Variants in COL16A1 observed in about 807,000 individuals in gnomAD.
COL16A1 encodes collagen alpha-1(XVI) chain.
A neutral mutation model predicts 266.3 loss-of-function variants in COL16A1; 189 were observed. That is an observed-to-expected ratio of 0.71 (90% CI 0.63 to 0.80). The LOEUF (loss-of-function observed/expected upper bound fraction) is 0.80. Among genes scored for constraint, COL16A1 ranks in the 30% least tolerant of loss-of-function variants. COL16A1 has a pLI of 0.00. For synonymous variants in COL16A1, 740 were observed against 782.3 expected (o/e 0.95, Z 0.90); for missense variants, 1,928 against 2,122.4 (o/e 0.91, Z 1.80).
rs929568842 is a variant in COL16A1 at position 31,698,822 on chromosome 1, G to A, written c.267-216C>T. On this transcript the variant is annotated intron_variant, in intron 4 of 70. Transcript: ENST00000373672. This position sits in a 1 kb window ranked among gnomAD's most constrained non-coding sequence, Gnocchi z 4.1. ...AATAACAGTGGTGAAGGCTGGGTGC[G>A]GTGGCTCATGCCTGTAATCCCAGCA... 3.3e-5 allele frequency among the ~76,000 whole-genome samples: 5 copies of A among 152,152 alleles called. No individual in the cohort carries two copies. The highest frequency in any genetic ancestry group is 2.1e-4 in the South Asian group (1 of 4,830).
At chr1:31,669,162 C>T (rs7512805) in intron 49 of COL16A1, among the ~76,000 whole-genome samples, 69,465 of 151,856 alleles carry the variant, frequency 0.46, 18,385 homozygotes, top group South Asian at 0.59. Context: ...CGCTGGTATG[C>T]CCTGCCATGG....
In COL16A1 at chr1:31,685,161, G is replaced by A. The variant is rs746509519; in HGVS notation, c.2017-305C>T. ...GTGAGGTTAGACAAGCTAATATGTCGTGTGCAGCAGTGCCTGGCACATAGT... is the reference window on the plus strand; with the variant it reads ...GTGAGGTTAGACAAGCTAATATGTCATGTGCAGCAGTGCCTGGCACATAGT... On this transcript the variant is annotated intron_variant, in intron 29 of 70. Transcript: ENST00000373672. The surrounding 1 kb of genome is among the most constrained non-coding windows in gnomAD (Gnocchi z 4.0). 1.4e-4 allele frequency among the ~76,000 whole-genome samples: 22 copies of A among 152,270 alleles called. No individual in the cohort carries two copies. Among genetic ancestry groups the A allele is most frequent in the Non-Finnish European group, 2.9e-4 (20 of 68,026 alleles).
intron 19 of COL16A1, 63 bp downstream of exon 19, chr1:31,691,354 C>G: frequency 6.3e-6 from 10 of 1,584,454 alleles, no homozygotes; most frequent in Non-Finnish European, 8.6e-6. Context: ...CGTTCATTCC[C>G]TGGCCAGGGT....
Position 31,656,071 on chromosome 1 carries a change from A to C in COL16A1, c.4101+329T>G. ...TAAGTGTGACTGGTCTATTGTGAGC[A>C]CCTATTGTTCAGGGACCTCTGTTTA... On this transcript the variant is annotated intron_variant, in intron 66 of 70. Coordinates refer to ENST00000373672, the MANE Select transcript of COL16A1 (RefSeq NM_001856.4). The surrounding 1 kb of genome is among the most constrained non-coding windows in gnomAD (Gnocchi z 4.2). The C allele has an allele frequency of 9.7e-6, 4 of 412,354 alleles. No homozygotes were observed. Among genetic ancestry groups the C allele is most frequent in the Non-Finnish European group, 1.8e-5 (4 of 226,458 alleles). The allele number at this position is 412,354 out of a possible 1,614,324, so 25.5% of individuals were successfully genotyped here.
At chr1:31,665,387 C>A in intron 55 of COL16A1, 153 bp from the exon 56 acceptor site, 1 of 1,414,644 alleles carries the variant, frequency 7.1e-7, no homozygotes. Context: ...GCCTGGCCTG[C>A]TGGGCTGGGG....
chr1:31,653,550 G>C (rs769793166), intron 70 of COL16A1, 49 bp downstream of exon 70: 1 of 1,564,940 alleles, frequency 6.4e-7, no homozygotes, highest in Non-Finnish European at 8.7e-7. Flanking sequence ...GAAAGAAAAG[G>C]GGTCTCTGCT....
At chr1:31,679,725 C>T in intron 41 of COL16A1, 40 bp from the exon 42 acceptor site, 1 of 1,612,618 alleles carries the variant, frequency 6.2e-7, no homozygotes, top group Non-Finnish European at 8.5e-7. Flanking sequence ...GCAGAGAGCT[C>T]TGCCCCATGG....
chr1:31,662,796 G>A (rs553196340), intron 56 of COL16A1, 138 bp from the exon 57 acceptor site: 10 of 835,492 alleles, frequency 1.2e-5, no homozygotes, highest in African/African-American at 1.0e-4. Context: ...GGCCCAATCT[G>A]TCCCTGTCTA....
intron 11 of COL16A1, 49 bp downstream of exon 11, chr1:31,695,135 TCC>T: frequency 6.2e-7 from 1 of 1,605,300 alleles, no homozygotes. Context: ...CTAGGCAACG[TCC>T]ACTCCCGGCT....
intron 43 of COL16A1, 76 bp downstream of exon 43, chr1:31,675,182 G>A (rs1643078458): frequency 2.5e-6 from 4 of 1,612,726 alleles, no homozygotes; most frequent in Non-Finnish European, 3.4e-6. Flanking sequence ...GCAGCTACCG[G>A]GCCAGCTTCA....
At chr1:31,687,381 CA>C (rs60096709) in intron 26 of COL16A1, among the ~76,000 whole-genome samples, 5,810 of 59,778 alleles carry the variant, frequency 0.097, 121 homozygotes, top group African/African-American at 0.17. Context: ...GACTCAGTCT[CA>C]AAAAAAAAAA....
chr1:31,652,905 G>T lies in COL16A1; in HGVS notation c.4613-52C>A. 1 of 1,408,774 alleles carries T rather than the reference G, an allele frequency of 7.1e-7. No homozygotes were observed. Among genetic ancestry groups the T allele is most frequent in the Non-Finnish European group, 9.3e-7 (1 of 1,075,470 alleles). The allele number at this position is 1,408,774 out of a possible 1,614,324, so 87.3% of individuals were successfully genotyped here. On this transcript the variant is annotated intron_variant, in intron 70 of 70. Coordinates refer to ENST00000373672, the MANE Select transcript of COL16A1 (RefSeq NM_001856.4). This position sits in a 1 kb window ranked among gnomAD's most constrained non-coding sequence, Gnocchi z 4.8. The stretch of plus-strand genomic sequence containing the variant: ...AAATCAGAAGACCCAGATCATAAGG[G>T]AAAAGAAGCCATAATGGCATCAAAT...
intron 1 of COL16A1, among the ~76,000 whole-genome samples, chr1:31,703,338 C>T (rs997529255): frequency 1.3e-5 from 2 of 152,152 alleles, no homozygotes; most frequent in Non-Finnish European, 2.9e-5. Context: ...GACCCCTTAC[C>T]CCAATATATT....
At chr1:31,695,602 G>A (rs552488088) in intron 10 of COL16A1, among the ~76,000 whole-genome samples, 159 bp downstream of exon 10, 177 of 152,166 alleles carry the variant, frequency 1.2e-3, no homozygotes, top group Non-Finnish European at 2.0e-3. Flanking sequence ...CCAACCCAAC[G>A]AGAGGCAGTG....
In COL16A1 at chr1:31,656,418, A is replaced by G. The variant is rs201477812; in HGVS notation, c.4083T>C (p.Tyr1361=). 42 of 1,613,462 alleles carry G rather than the reference A, an allele frequency of 2.6e-5. No homozygotes were observed. In the East Asian group the frequency reaches 6.7e-4, roughly 26 times the overall value. ...KEGPPGKQGF[Y]GPPGPKGDPG... is the part of the protein sequence containing the mutation. Reference sequence around the variant, plus strand: ...CACTCACCTTGGGACCAGGAGGTCCATAGAATCCCTGCTTTCCAGGGGGTC... The same window carrying G: ...CACTCACCTTGGGACCAGGAGGTCCGTAGAATCCCTGCTTTCCAGGGGGTC... Residue 1361 remains tyrosine (Y), a synonymous_variant, in exon 66 of 71, where the codon TAT becomes TAC. Transcript: ENST00000373672. The surrounding 1 kb of genome is among the most constrained non-coding windows in gnomAD (Gnocchi z 4.2).
intron 1 of COL16A1, among the ~76,000 whole-genome samples, chr1:31,703,386 A>C (rs1266891307): frequency 6.6e-6 from 1 of 152,078 alleles, no homozygotes; most frequent in East Asian, 1.9e-4. Flanking sequence ...CCTGGGACAG[A>C]ACTGTGCCCC....
rs536643803 is a variant in COL16A1 at position 31,698,780 on chromosome 1, C to T, written c.267-174G>A. On this transcript the variant is annotated intron_variant, in intron 4 of 70. Transcript: ENST00000373672. This position sits in a 1 kb window ranked among gnomAD's most constrained non-coding sequence, Gnocchi z 4.1. ...CTGAGTGCCTTCCGCGAGCTAGGTG[C>T]GGGTCTGGCTGCTGGGAATAACAGT... is the stretch of plus-strand genomic sequence containing the variant. Among the ~76,000 whole-genome samples the T allele has an allele frequency of 3.6e-4, 55 of 152,246 alleles. No homozygotes were observed. Among genetic ancestry groups the T allele is most frequent in the Admixed American group, 1.4e-3 (22 of 15,298 alleles).
chr1:31,661,371 G>A (rs1334534299), intron 60 of COL16A1, 43 bp downstream of exon 60: 6 of 1,613,748 alleles, frequency 3.7e-6, no homozygotes, highest in Middle Eastern at 1.7e-4. Flanking sequence ...AAGCCTTCAG[G>A]AGAGCAGAGA....
rs10586841 is a variant in COL16A1 at position 31,654,971 on chromosome 1, CTTTTTTTTTTTTTT to C, written c.4291-127_4291-114del. The C allele has an allele frequency of 7.2e-5, 30 of 414,400 alleles. No homozygotes were observed. In the East Asian group the frequency reaches 9.6e-4, roughly 13 times the overall value. 25.7% of individuals were successfully genotyped at this position (414,400 alleles called of 1,614,324 possible). ...AGGTCCCAGGAGCCTCCCACAGATT[CTTTTTTTTTTTTTT>C]TTTTTTTTTTTTTTCTGAGACAGAG... On this transcript the variant is annotated intron_variant, in intron 67 of 70. Transcript: ENST00000373672.
Sources: allele counts gnomAD v4.1 joint callset (sites outside exome capture counted in the v4.1 genomes callset), GRCh38; gene constraint gnomAD v4.1.1; non-coding constraint Gnocchi (gnomAD v3.1); transcripts MANE v1.5; gene names NCBI Gene and HGNC (gene_info 2026-07-23, HGNC 2026-07-21).